Variants in TAFA2 observed in about 807,000 individuals in gnomAD.
TAFA2 encodes the protein TAFA chemokine like family member 2, also known as chemokine-like protein TAFA-2.
A neutral mutation model predicts 18.8 loss-of-function variants in TAFA2; 7 were observed. That is an observed-to-expected ratio of 0.37 (90% CI 0.21 to 0.70). The LOEUF (loss-of-function observed/expected upper bound fraction) is 0.70, where lower values mean the gene tolerates loss of function less well. Ranked by LOEUF, TAFA2 falls within the 30% of genes least tolerant of loss-of-function variation. TAFA2 has a pLI of 0.53. For missense variants in TAFA2, 122 were observed against 158.1 expected, an observed-to-expected ratio of 0.77 and a Z score of 1.23; for synonymous variants, 60 against 54.2, an observed-to-expected ratio of 1.11 and a Z score of -0.47.
chr12:61,735,865 G>A (rs888856046), intron 4 of TAFA2, among the ~76,000 whole-genome samples: 7 of 152,036 alleles, frequency 4.6e-5, no homozygotes, highest in African/African-American at 1.4e-4. Flanking sequence ...AAAATTATTT[G>A]TGGAGTGATT....
chr12:62,156,485 T>C (rs2062370541), intron 1 of TAFA2, among the ~76,000 whole-genome samples: 1 of 152,170 alleles, frequency 6.6e-6, no homozygotes, highest in Non-Finnish European at 1.5e-5. Context: ...ATGAAAAAGA[T>C]ACTTGCACAC....
chr12:62,202,385 G>C (rs1448205752), intron 1 of TAFA2, among the ~76,000 whole-genome samples: 11 of 150,648 alleles, frequency 7.3e-5, no homozygotes, highest in Admixed American at 7.3e-4. Context: ...CTCGCTCTGT[G>C]GCCCAGGCTG....
chr12:61,763,529 A>G (rs1395429720), intron 2 of TAFA2, among the ~76,000 whole-genome samples: 1 of 152,090 alleles, frequency 6.6e-6, no homozygotes, highest in East Asian at 2.0e-4. Flanking sequence ...ATCTAAAGGA[A>G]TAAGTGGACC....
chr12:61,979,354 T>C (rs1440558807), intron 1 of TAFA2, among the ~76,000 whole-genome samples: 1 of 152,108 alleles, frequency 6.6e-6, no homozygotes, highest in Non-Finnish European at 1.5e-5. Context: ...AAAAAGATCT[T>C]CAATGAAGGT....
chr12:62,102,453 T>TC (rs1012751919), intron 1 of TAFA2, among the ~76,000 whole-genome samples: 7 of 152,096 alleles, frequency 4.6e-5, no homozygotes, highest in African/African-American at 9.7e-5. Flanking sequence ...ATTAGATTAC[T>TC]CCCCCCAGTG....
chr12:62,152,969 G>A (rs995189543), intron 1 of TAFA2, among the ~76,000 whole-genome samples: 1 of 152,192 alleles, frequency 6.6e-6, no homozygotes, highest in African/African-American at 2.4e-5. Flanking sequence ...CGGACTCTAA[G>A]TTTCCATGAT....
At chr12:61,769,259 C>A (rs962334643) in intron 2 of TAFA2, among the ~76,000 whole-genome samples, 3 of 151,984 alleles carry the variant, frequency 2.0e-5, no homozygotes, top group South Asian at 4.1e-4. Context: ...TCTCTACCCA[C>A]CCCGGTAGTC....
At chr12:62,081,423 A>G (rs1868321275) in intron 1 of TAFA2, among the ~76,000 whole-genome samples, 1 of 152,116 alleles carries the variant, frequency 6.6e-6, no homozygotes, top group Admixed American at 6.5e-5. Context: ...AGTTAGGTAA[A>G]GAACCAAGAA....
intron 1 of TAFA2, among the ~76,000 whole-genome samples, chr12:61,989,405 C>G (rs950018819): frequency 6.8e-6 from 1 of 147,932 alleles, no homozygotes; most frequent in Admixed American, 6.8e-5. Flanking sequence ...CCTAAAAGAG[C>G]AAAACATTGA....
intron 1 of TAFA2, among the ~76,000 whole-genome samples, chr12:62,154,507 G>A (rs1345086272): frequency 6.6e-6 from 1 of 152,138 alleles, no homozygotes; most frequent in Non-Finnish European, 1.5e-5. Context: ...CAGAAAAGAA[G>A]GATGGGAATG....
intron 1 of TAFA2, among the ~76,000 whole-genome samples, chr12:62,141,547 C>T (rs1350402518): frequency 1.3e-5 from 2 of 152,144 alleles, no homozygotes; most frequent in African/African-American, 2.4e-5. Context: ...TTTTGCCTGA[C>T]ATTTTGACTG....
At chr12:62,107,291 C>G (rs1297898361) in intron 1 of TAFA2, among the ~76,000 whole-genome samples, 1 of 142,988 alleles carries the variant, frequency 7.0e-6, no homozygotes, top group Non-Finnish European at 1.5e-5. Flanking sequence ...ACTGGAAGAA[C>G]TATATACATC....
chr12:61,932,040 T>C (rs1390601437), intron 1 of TAFA2, among the ~76,000 whole-genome samples: 2 of 152,198 alleles, frequency 1.3e-5, no homozygotes, highest in Non-Finnish European at 2.9e-5. Context: ...TATAAATCAT[T>C]GAATCATTTA....
intron 1 of TAFA2, among the ~76,000 whole-genome samples, chr12:62,130,220 T>C (rs1456903418): frequency 6.6e-6 from 1 of 151,996 alleles, no homozygotes; most frequent in Non-Finnish European, 1.5e-5. Flanking sequence ...TAACACATAA[T>C]GTCCCCCTTA....
chr12:62,220,605 C>T (rs10877816), intron 1 of TAFA2, among the ~76,000 whole-genome samples: 47,310 of 152,052 alleles, frequency 0.31, 8,182 homozygotes, highest in African/African-American at 0.47. Flanking sequence ...GTGATAATGA[C>T]GCATCAATGT....
At chr12:62,227,882 C>T (rs1408440736) in intron 1 of TAFA2, among the ~76,000 whole-genome samples, 1 of 152,026 alleles carries the variant, frequency 6.6e-6, no homozygotes, top group South Asian at 2.1e-4. Flanking sequence ...CCCCAATGTA[C>T]GTTCTTGGTG....
chr12:61,952,208 C>G (rs1878493349), intron 1 of TAFA2, among the ~76,000 whole-genome samples: 1 of 152,100 alleles, frequency 6.6e-6, no homozygotes, highest in African/African-American at 2.4e-5. Context: ...GATATCTGCA[C>G]AGCCCATTTT....
rs529866736 is a variant in TAFA2 at position 61,923,728 on chromosome 12, G to A, written c.-1-56302C>T. Among the ~76,000 whole-genome samples the A allele has an allele frequency of 2.6e-5, 4 of 152,170 alleles. No homozygotes were observed. In the South Asian group the frequency reaches 8.3e-4, roughly 32 times the overall value. On this transcript the variant is annotated intron_variant, in intron 1 of 4. Coordinates refer to ENST00000416284, the MANE Select transcript of TAFA2 (RefSeq NM_178539.5). ...CACCAGAAAGGGAACAAAACTGGAT[G>A]GAGAATGAGTTTGACGAACTGACAG...
intron 2 of TAFA2, among the ~76,000 whole-genome samples, chr12:61,781,733 G>GA (rs1219828103): frequency 2.4e-4 from 36 of 151,456 alleles, no homozygotes; most frequent in Admixed American, 2.3e-3. Flanking sequence ...GAATCTTACA[G>GA]AAAAAATATT....
Sources: gnomAD v4.1 joint callset for allele counts (sites outside exome capture counted in the v4.1 genomes callset) on GRCh38, gnomAD v4.1.1 for gene constraint, MANE v1.5 for transcripts, NCBI Gene and HGNC (gene_info 2026-07-23, HGNC 2026-07-21) for gene names.